The following CROCC variants were observed in gnomAD, a reference collection of about 807,000 sequenced individuals.
The protein encoded by CROCC is ciliary rootlet coiled-coil, rootletin.
Under a neutral mutation model 245.2 loss-of-function variants are expected in CROCC, and 180 were observed. The observed-to-expected ratio is 0.73, with a 90% CI of 0.65 to 0.83. The LOEUF (loss-of-function observed/expected upper bound fraction) is 0.83. CROCC is among the 40% of genes least tolerant of loss of function. The probability of loss-of-function intolerance (pLI) is 0.00; values close to 1 mark genes in which losing one functional copy is unlikely to be tolerated. For missense variants in CROCC, 2,688 were observed against 2,779.4 expected, an observed-to-expected ratio of 0.97 and a Z score of 0.74; for synonymous variants, 1,205 against 1,241.6, an observed-to-expected ratio of 0.97 and a Z score of 0.62.
At chr1:16,944,401 C>T (rs2100449499) in intron 14 of CROCC, 119 bp downstream of exon 14, 1 of 1,155,302 alleles carries the variant, frequency 8.7e-7, no homozygotes, top group South Asian at 2.4e-5. Flanking sequence ...GTCTGGACCC[C>T]TCCGATGTCG....
In CROCC at chr1:16,954,499, GC is replaced by G; in HGVS notation, c.3321+147del. ...AGGAGGTTTAGCCCTTCTTTTGGGAGCCCCCATCTGAGGGAGGTGGCTCAGC... is the reference window on the plus strand; with the variant it reads ...AGGAGGTTTAGCCCTTCTTTTGGGAGCCCCATCTGAGGGAGGTGGCTCAGC... On this transcript the variant is annotated intron_variant, in intron 22 of 36. Coordinates refer to ENST00000375541, the MANE Select transcript of CROCC (RefSeq NM_014675.5). The surrounding 1 kb of genome is among the most constrained non-coding windows in gnomAD (Gnocchi z 4.4). 1 of 1,289,548 alleles carries G rather than the reference GC, an allele frequency of 7.8e-7. No homozygotes were observed. The highest frequency in any genetic ancestry group is 1.0e-6 in the Non-Finnish European group (1 of 954,220). 79.9% of individuals were successfully genotyped at this position (1,289,548 alleles called of 1,614,324 possible).
At chr1:16,952,557 A>AC (rs2076180194) in intron 20 of CROCC, among the ~76,000 whole-genome samples, 1 of 151,154 alleles carries the variant, frequency 6.6e-6, no homozygotes. Flanking sequence ...TGAGGCAGGC[A>AC]CCTGCCCTCA....
At chr1:16,916,743 G>A (rs1331445466) in intron 1 of CROCC, among the ~76,000 whole-genome samples, 1 of 152,280 alleles carries the variant, frequency 6.6e-6, no homozygotes, top group East Asian at 1.9e-4. Flanking sequence ...AAACGCCTGG[G>A]CTCAGGCAGT....
rs534300793 is a variant in CROCC at position 16,954,890 on chromosome 1, C to T, written c.3465+13C>T. 8 of 1,515,506 alleles carry T rather than the reference C, an allele frequency of 5.3e-6. No homozygotes were observed. The highest frequency in any genetic ancestry group is 4.9e-5 in the South Asian group (4 of 81,386). The allele number at this position is 1,515,506 out of a possible 1,614,324, so 93.9% of individuals were successfully genotyped here. A position where few individuals can be genotyped will look rare whatever the true frequency, so the allele number is the denominator to read the frequency against. The stretch of plus-strand genomic sequence containing the variant: ...CTGTCTTCGCGAGGTGAGCAGCCGC[C>T]CCCCTCTTCCAAGCAGCATACCCTA... On this transcript the variant is annotated intron_variant, in intron 23 of 36. Transcript: ENST00000375541. This position sits in a 1 kb window ranked among gnomAD's most constrained non-coding sequence, Gnocchi z 4.4.
upstream of CROCC, among the ~76,000 whole-genome samples, chr1:16,919,462 C>T (rs1359965995): frequency 1.3e-5 from 2 of 152,276 alleles, no homozygotes; most frequent in African/African-American, 4.8e-5. Flanking sequence ...CAGAGGGCAC[C>T]CAGGGACGGA....
upstream of CROCC, among the ~76,000 whole-genome samples, chr1:16,918,102 G>A (rs1205580786): frequency 1.9e-4 from 27 of 139,570 alleles, no homozygotes; most frequent in African/African-American, 6.1e-4. Context: ...AGCTTAGCAC[G>A]GAGTATTTTA....
intron 1 of CROCC, among the ~76,000 whole-genome samples, chr1:16,915,470 A>G (rs1281086120): frequency 1.3e-5 from 2 of 152,012 alleles, no homozygotes; most frequent in African/African-American, 2.4e-5. Flanking sequence ...GCAACATCTC[A>G]TCTCTACAAC....
At chr1:16,947,911 T>C (rs1402400726) in intron 17 of CROCC, among the ~76,000 whole-genome samples, 1 of 152,264 alleles carries the variant, frequency 6.6e-6, no homozygotes, top group African/African-American at 2.4e-5. Flanking sequence ...CGATCTGGGC[T>C]CACTGCAACC....
intron 8 of CROCC, 35 bp downstream of exon 8, chr1:16,931,432 A>C (rs1176856530): frequency 1.3e-6 from 2 of 1,555,046 alleles, no homozygotes; most frequent in Non-Finnish European, 1.8e-6. Flanking sequence ...AGCAGCTGAG[A>C]GCCAGCCCTG....
intron 8 of CROCC, among the ~76,000 whole-genome samples, chr1:16,934,109 CT>C (rs1394715780): frequency 6.6e-6 from 1 of 152,256 alleles, no homozygotes; most frequent in African/African-American, 2.4e-5. Context: ...CAGGATGCCC[CT>C]ATGCCAGCTG....
intron 19 of CROCC, among the ~76,000 whole-genome samples, chr1:16,949,868 C>A (rs1450501183): frequency 1.3e-5 from 2 of 151,896 alleles, no homozygotes; most frequent in Non-Finnish European, 2.9e-5. Context: ...CTTCTGGGTT[C>A]AAGCGATTCT....
intron 27 of CROCC, among the ~76,000 whole-genome samples, chr1:16,962,534 C>CAA (rs1197806001): frequency 5.0e-4 from 11 of 21,884 alleles, no homozygotes; most frequent in African/African-American, 2.0e-3. Flanking sequence ...GACTCCGTCT[C>CAA]AAAAAAAAAA....
intron 1 of CROCC, among the ~76,000 whole-genome samples, chr1:16,915,566 G>C (rs2075293208): frequency 6.6e-6 from 1 of 152,222 alleles, no homozygotes; most frequent in South Asian, 2.1e-4. Context: ...CTTAAGCCCA[G>C]GAGGTCAACG....
At chr1:16,929,694 C>T (rs1279010892) in intron 3 of CROCC, 152 bp from the exon 4 acceptor site, 21 of 1,388,090 alleles carry the variant, frequency 1.5e-5, no homozygotes, top group Middle Eastern at 2.6e-4. Context: ...GTGCACTGCC[C>T]CTGGGCTTGC....
chr1:16,971,233 G>A (rs2076513018), intron 35 of CROCC, among the ~76,000 whole-genome samples: 1 of 151,714 alleles, frequency 6.6e-6, no homozygotes, highest in Non-Finnish European at 1.5e-5. Context: ...GTGTGTGTGT[G>A]TGTGTGTGTG....
upstream of CROCC, among the ~76,000 whole-genome samples, chr1:16,921,728 C>A (rs2100307952): frequency 6.6e-6 from 1 of 152,340 alleles, no homozygotes; most frequent in East Asian, 1.9e-4. Context: ...TCCTCCCATT[C>A]CCTCTTCTCT....
Position 16,971,654 on chromosome 1 carries a change from A to C in CROCC, c.5967+7A>C, listed in dbSNP as rs1426247788. On this transcript the variant is annotated splice_region_variant and intron_variant, in intron 36 of 36. Coordinates refer to ENST00000375541, the MANE Select transcript of CROCC (RefSeq NM_014675.5). The stretch of plus-strand genomic sequence containing the variant: ...GCGTGGGCTGGAGGAGCAGGTGTGC[A>C]GGCCCCCTTAGAAGGCTGGGCCAGG... 1 of 1,476,766 alleles carries C rather than the reference A, an allele frequency of 6.8e-7. No homozygotes were observed. The highest frequency in any genetic ancestry group is 9.0e-7 in the Non-Finnish European group (1 of 1,113,106). The allele number at this position is 1,476,766 out of a possible 1,614,324, so 91.5% of individuals were successfully genotyped here. A position where few individuals can be genotyped will look rare whatever the true frequency, so the allele number is the denominator to read the frequency against.
intron 1 of CROCC, among the ~76,000 whole-genome samples, chr1:16,914,617 A>C (rs2075284185): frequency 1.3e-5 from 2 of 152,278 alleles, no homozygotes; most frequent in South Asian, 4.1e-4. Context: ...CCCAGAGCGC[A>C]TAGTTGGGCT....
Position 16,970,731 on chromosome 1 carries a change from G to A in CROCC, c.5748G>A (p.Glu1916=). The A allele has an allele frequency of 1.2e-6, 2 of 1,603,888 alleles. No individual in the cohort carries two copies. Among genetic ancestry groups the A allele is most frequent in the South Asian group, 1.1e-5 (1 of 89,744 alleles). ...LDRTLTGAEL[E]LAEAQRQIQQ... ...GCACCCTCACGGGGGCTGAGCTGGA[G>A]CTGGCAGAGGCGCAGAGGCAGATCC... is the stretch of plus-strand genomic sequence containing the variant. Residue 1916 remains glutamate, a synonymous_variant, in exon 35 of 37, where the codon GAG becomes GAA. Transcript: ENST00000375541.
Sources: allele counts gnomAD v4.1 joint callset (sites outside exome capture counted in the v4.1 genomes callset), GRCh38; gene constraint gnomAD v4.1.1; non-coding constraint Gnocchi (gnomAD v3.1); transcripts MANE v1.5; gene names NCBI Gene and HGNC (gene_info 2026-07-23, HGNC 2026-07-21).